Variants in LARS2 observed in about 807,000 individuals in gnomAD.
LARS2 encodes leucine--tRNA ligase, mitochondrial.
In LARS2, 81 loss-of-function variants were observed where a neutral mutation model predicts 116.6. The observed-to-expected ratio is 0.69, with a 90% confidence interval of 0.58 to 0.84. The LOEUF is 0.84. Ranked by LOEUF, LARS2 falls within the 40% of genes least tolerant of loss-of-function variation. The probability of loss-of-function intolerance (pLI) is 0.00; values close to 1 mark genes in which losing one functional copy is unlikely to be tolerated. For missense variants in LARS2, 968 were observed against 1,114.5 expected (o/e 0.87, Z 1.87); for synonymous variants, 396 against 407.2 (o/e 0.97, Z 0.33).
At chr3:45,397,292 T>C (rs1044783005) in intron 3 of LARS2, among the ~76,000 whole-genome samples, 1 of 152,196 alleles carries the variant, frequency 6.6e-6, no homozygotes, top group Non-Finnish European at 1.5e-5. Context: ...CTCATTTCAT[T>C]GTCACAGAGG....
At chr3:45,390,344 G>T (rs1697917404) in intron 1 of LARS2, among the ~76,000 whole-genome samples, 1 of 151,196 alleles carries the variant, frequency 6.6e-6, no homozygotes, top group Non-Finnish European at 1.5e-5. Flanking sequence ...ACGGAGTCTT[G>T]CCCCGTCGCC....
chr3:45,402,773 G>C (rs1353320846), intron 4 of LARS2, among the ~76,000 whole-genome samples: 2 of 152,110 alleles, frequency 1.3e-5, no homozygotes, highest in Non-Finnish European at 2.9e-5. Flanking sequence ...ATTTTTCCCA[G>C]ATAACTGTTT....
chr3:45,518,592 C>T (rs780582390), intron 18 of LARS2, among the ~76,000 whole-genome samples: 11 of 152,158 alleles, frequency 7.2e-5, no homozygotes, highest in African/African-American at 1.4e-4. Context: ...GATTAGAATC[C>T]CAGTCCTCCA....
chr3:45,540,279 C>T (rs1700770352), intron 20 of LARS2, among the ~76,000 whole-genome samples: 2 of 152,122 alleles, frequency 1.3e-5, no homozygotes, highest in South Asian at 2.1e-4. Flanking sequence ...GTTAAAAATG[C>T]TATCTGGCTG....
intron 4 of LARS2, among the ~76,000 whole-genome samples, chr3:45,408,077 C>A (rs893238749): frequency 2.0e-5 from 3 of 152,254 alleles, no homozygotes; most frequent in Non-Finnish European, 2.9e-5. Flanking sequence ...AAGGCCCCCC[C>A]GTCCCCAGGC....
intron 20 of LARS2, among the ~76,000 whole-genome samples, chr3:45,540,746 G>GTCTGTCTCTCTA (rs763247398): frequency 6.7e-6 from 1 of 149,112 alleles, no homozygotes. Flanking sequence ...GTATCTATCT[G>GTCTGTCTCTCTA]TCTATCTATC....
chr3:45,415,385 T>G (rs1698396165), intron 4 of LARS2, among the ~76,000 whole-genome samples: 1 of 152,222 alleles, frequency 6.6e-6, no homozygotes, highest in East Asian at 1.9e-4. Context: ...TGGCAGGCAC[T>G]ATTCTCAGCA....
intron 15 of LARS2, among the ~76,000 whole-genome samples, chr3:45,506,624 A>G (rs1291683665): frequency 6.6e-6 from 1 of 152,018 alleles, no homozygotes; most frequent in Non-Finnish European, 1.5e-5. Flanking sequence ...CCCTTGTCTC[A>G]AGTAGCAGCT....
chr3:45,487,453 T>C (rs895731806), intron 11 of LARS2, among the ~76,000 whole-genome samples: 2 of 152,174 alleles, frequency 1.3e-5, no homozygotes, highest in Admixed American at 1.3e-4. Flanking sequence ...TTTAGGGCAT[T>C]GTTCCGAGAT....
intron 7 of LARS2, 91 bp from the exon 8 acceptor site, chr3:45,458,652 A>G (rs978368072): frequency 2.3e-6 from 3 of 1,324,560 alleles, no homozygotes; most frequent in Non-Finnish European, 3.2e-6. Context: ...ACGCCACTGC[A>G]CTCTAGCCCG....
chr3:45,522,892 TA>T (rs11359092), intron 19 of LARS2, among the ~76,000 whole-genome samples: 133,866 of 151,532 alleles, frequency 0.88, 61,430 homozygotes, highest in East Asian at 1. Context: ...CATCTCTATT[TA>T]AAAAAAAAAT....
At chr3:45,516,000 C>A (rs1700364225) in intron 16 of LARS2, 94 bp from the exon 17 acceptor site, 12 of 912,448 alleles carry the variant, frequency 1.3e-5, no homozygotes, top group Non-Finnish European at 2.0e-5. Flanking sequence ...TGGACACTTT[C>A]CATCGCTCAC....
intron 8 of LARS2, among the ~76,000 whole-genome samples, chr3:45,463,126 G>C (rs770582609): frequency 6.6e-6 from 1 of 152,208 alleles, no homozygotes; most frequent in Non-Finnish European, 1.5e-5. Context: ...TACAGCAAGC[G>C]AAAGGGATTC....
chr3:45,434,529 C>G (rs1698769555), intron 6 of LARS2, among the ~76,000 whole-genome samples: 1 of 152,188 alleles, frequency 6.6e-6, no homozygotes, highest in Non-Finnish European at 1.5e-5. Context: ...ATGCTGTCTG[C>G]ATAAAATCCT....
At chr3:45,521,151 A>G (rs1162705384) in intron 19 of LARS2, among the ~76,000 whole-genome samples, 2 of 152,106 alleles carry the variant, frequency 1.3e-5, no homozygotes, top group African/African-American at 4.8e-5. Flanking sequence ...AAAAAATACA[A>G]AAAATTAGCC....
intron 6 of LARS2, among the ~76,000 whole-genome samples, chr3:45,445,376 T>G (rs1038997438): frequency 5.3e-5 from 8 of 152,322 alleles, no homozygotes; most frequent in Non-Finnish European, 1.0e-4. Flanking sequence ...GAGGGGTAGC[T>G]GTGGAGGAAA....
intron 6 of LARS2, among the ~76,000 whole-genome samples, chr3:45,433,147 T>C (rs753902380): frequency 6.6e-6 from 1 of 152,058 alleles, no homozygotes; most frequent in African/African-American, 2.4e-5. Context: ...AACCCACTTA[T>C]TATATTTGAA....
chr3:45,399,131 A>T (rs1698099833), intron 3 of LARS2, among the ~76,000 whole-genome samples: 1 of 152,160 alleles, frequency 6.6e-6, no homozygotes. Context: ...CTGCTTATTT[A>T]TCATCCCTGG....
At chr3:45,535,781 TAC>T (rs1380634481) in intron 20 of LARS2, among the ~76,000 whole-genome samples, 2 of 147,702 alleles carry the variant, frequency 1.4e-5, no homozygotes, top group African/African-American at 5.0e-5. Flanking sequence ...CACACCCACA[TAC>T]ACACACATTA....
Sources: allele counts gnomAD v4.1 joint callset (sites outside exome capture counted in the v4.1 genomes callset), GRCh38; gene constraint gnomAD v4.1.1; transcripts MANE v1.5; gene names NCBI Gene and HGNC (gene_info 2026-07-23, HGNC 2026-07-21).